MAML3: variants seen among roughly 807,000 people sequenced by gnomAD.
The protein encoded by MAML3 is mastermind-like protein 3.
Under a neutral mutation model 101.9 loss-of-function variants are expected in MAML3, and 27 were observed. That is an observed-to-expected ratio of 0.27 (90% CI 0.20 to 0.37). The LOEUF (loss-of-function observed/expected upper bound fraction) is 0.37. Ranked by LOEUF, MAML3 falls within the 10% of genes least tolerant of loss-of-function variation. MAML3 has a pLI of 1.00. For synonymous variants in MAML3, 501 were observed against 555.9 expected (o/e 0.90, Z 1.39); for missense variants, 1,316 against 1,444.9 (o/e 0.91, Z 1.45).
In MAML3 at chr4:139,735,542, T is replaced by A. The variant is rs2111006090; in HGVS notation, c.2080-4875A>T. On this transcript the variant is annotated intron_variant, in intron 2 of 4. Transcript: ENST00000509479. This position sits in a 1 kb window ranked among gnomAD's most constrained non-coding sequence, Gnocchi z 5.8. ...AGGGACCGGGTTCCAGGACCCCAGC[T>A]GCACAAAGCCGGCCCGGGGAGGGGG... Among the ~76,000 whole-genome samples, 1 of 152,088 alleles carries A rather than the reference T, an allele frequency of 6.6e-6. No individual in the cohort carries two copies. The highest frequency in any genetic ancestry group is 2.1e-4 in the South Asian group (1 of 4,816).
intron 2 of MAML3, among the ~76,000 whole-genome samples, chr4:139,858,716 C>G (rs918231249): frequency 6.6e-6 from 1 of 152,138 alleles, no homozygotes; most frequent in Non-Finnish European, 1.5e-5. Flanking sequence ...AGTGTCTCTG[C>G]TCCCGACCGC....
chr4:139,880,918 G>C (rs1462178043), intron 2 of MAML3, among the ~76,000 whole-genome samples: 1 of 152,106 alleles, frequency 6.6e-6, no homozygotes, highest in Admixed American at 6.5e-5. Flanking sequence ...TAAGAACAAA[G>C]AAGATGGGAG....
chr4:139,931,622 C>T (rs1658938693), intron 1 of MAML3, among the ~76,000 whole-genome samples: 1 of 152,164 alleles, frequency 6.6e-6, no homozygotes, highest in African/African-American at 2.4e-5. Flanking sequence ...TGTCTTCCTT[C>T]TGCCTAAACT....
At chr4:140,101,187 T>C (rs1728247171) in intron 1 of MAML3, among the ~76,000 whole-genome samples, 1 of 152,022 alleles carries the variant, frequency 6.6e-6, no homozygotes, top group Non-Finnish European at 1.5e-5. Context: ...ACAGATATAA[T>C]CAAATAATGG....
At chr4:139,807,734 G>A (rs1730725489) in intron 2 of MAML3, among the ~76,000 whole-genome samples, 1 of 152,166 alleles carries the variant, frequency 6.6e-6, no homozygotes, top group African/African-American at 2.4e-5. Context: ...TTTGAAGTTA[G>A]ATCACTGGTG....
chr4:139,776,544 C>A (rs1730100591), intron 2 of MAML3, among the ~76,000 whole-genome samples: 1 of 152,202 alleles, frequency 6.6e-6, no homozygotes, highest in African/African-American at 2.4e-5. Flanking sequence ...AGCCACTGGC[C>A]ATTTTATCAG....
At chr4:139,894,057 G>C (rs180673660) in intron 1 of MAML3, among the ~76,000 whole-genome samples, 1 of 152,158 alleles carries the variant, frequency 6.6e-6, no homozygotes, top group African/African-American at 2.4e-5. Flanking sequence ...ATGCAAGAGA[G>C]GGGGAGGATT....
intron 1 of MAML3, among the ~76,000 whole-genome samples, chr4:140,124,999 C>T (rs1243645554): frequency 6.6e-6 from 1 of 152,178 alleles, no homozygotes; most frequent in African/African-American, 2.4e-5. Flanking sequence ...ATGATTCATA[C>T]AAATTAATTG....
chr4:140,035,039 G>A (rs147359856), intron 1 of MAML3, among the ~76,000 whole-genome samples: 2,929 of 152,150 alleles, frequency 0.019, 94 homozygotes, highest in African/African-American at 0.066. Context: ...GCATGATCTC[G>A]GCTCACTGCA....
chr4:139,773,492 C>T (rs1329780761), intron 2 of MAML3, among the ~76,000 whole-genome samples: 4 of 152,180 alleles, frequency 2.6e-5, no homozygotes. Context: ...CCTAGAGTTT[C>T]CTCTTCACTA....
intron 1 of MAML3, among the ~76,000 whole-genome samples, chr4:139,988,148 G>A (rs1001120162): frequency 6.6e-5 from 10 of 150,904 alleles, no homozygotes; most frequent in African/African-American, 2.4e-4. Flanking sequence ...CCAACATGGC[G>A]AAACCCCATC....
intron 2 of MAML3, among the ~76,000 whole-genome samples, chr4:139,793,408 T>A (rs1463744851): frequency 6.6e-6 from 1 of 152,046 alleles, no homozygotes; most frequent in Non-Finnish European, 1.5e-5. Flanking sequence ...CAAGGCAAGG[T>A]GCCTAGTTCT....
Position 140,142,470 on chromosome 4 carries a change from C to T in MAML3, c.468+10390G>A, listed in dbSNP as rs140441117. Among the ~76,000 whole-genome samples, 867 of 152,296 alleles carry T rather than the reference C, an allele frequency of 5.7e-3. 10 individuals are homozygous for T. Among genetic ancestry groups the T allele is most frequent in the African/African-American group, 0.02 (826 of 41,548 alleles). ...AATAATGAATAGACAAAGTCCCTGTCCCTCTCCAATGTTCCAGCCAAATGA... is the reference window on the plus strand; with the variant it reads ...AATAATGAATAGACAAAGTCCCTGTTCCTCTCCAATGTTCCAGCCAAATGA... On this transcript the variant is annotated intron_variant, in intron 1 of 4. Transcript: ENST00000509479.
chr4:139,812,240 C>T lies in MAML3; in HGVS notation c.2079+77117G>A, dbSNP rs931007314. ...GCACTCTATCCACCAGAGCAAGACT[C>T]TGTCTCAAAAAAAAGAAAATCTTAA... On this transcript the variant is annotated intron_variant, in intron 2 of 4. Transcript: ENST00000509479. Among the ~76,000 whole-genome samples, 7 of 152,232 alleles carry T rather than the reference C, an allele frequency of 4.6e-5. No homozygotes were observed. In the East Asian group the frequency reaches 1.4e-3, roughly 29 times the overall value.
chr4:139,805,909 A>T (rs1018999622), intron 2 of MAML3, among the ~76,000 whole-genome samples: 2 of 152,180 alleles, frequency 1.3e-5, no homozygotes, highest in Non-Finnish European at 2.9e-5. Flanking sequence ...AGGAGATCTT[A>T]AGAATTCATT....
At chr4:140,125,949 T>C (rs1484166459) in intron 1 of MAML3, among the ~76,000 whole-genome samples, 5 of 152,052 alleles carry the variant, frequency 3.3e-5, no homozygotes, top group African/African-American at 1.2e-4. Flanking sequence ...AGCTAATTTT[T>C]GTATTTTTAG....
At chr4:139,822,270 C>T (rs62322635) in intron 2 of MAML3, among the ~76,000 whole-genome samples, 1 of 119,252 alleles carries the variant, frequency 8.4e-6, no homozygotes, top group Non-Finnish European at 1.9e-5. Flanking sequence ...ACCACCACCA[C>T]CATCATCATC....
At chr4:139,909,174 T>A (rs1353480432) in intron 1 of MAML3, among the ~76,000 whole-genome samples, 1 of 152,156 alleles carries the variant, frequency 6.6e-6, no homozygotes, top group East Asian at 1.9e-4. Flanking sequence ...TGTACCTCAA[T>A]TCCTAATTTG....
intron 2 of MAML3, 83 bp downstream of exon 2, chr4:139,889,274 T>C: frequency 1.2e-6 from 2 of 1,610,940 alleles, no homozygotes; most frequent in Non-Finnish European, 1.7e-6. Context: ...CCCACTACAG[T>C]GGAAGCTTGT....
Sources: allele counts gnomAD v4.1 joint callset (sites outside exome capture counted in the v4.1 genomes callset), GRCh38; gene constraint gnomAD v4.1.1; non-coding constraint Gnocchi (gnomAD v3.1); transcripts MANE v1.5; gene names NCBI Gene and HGNC (gene_info 2026-07-23, HGNC 2026-07-21).